The following DNAI3 variants were observed in gnomAD, a reference collection of about 807,000 sequenced individuals.
DNAI3 encodes dynein axonemal intermediate chain 3, also known as WD repeat domain 63.
Under a neutral mutation model 115.5 loss-of-function variants are expected in DNAI3, and 83 were observed. The ratio of observed to expected loss-of-function variants is 0.72; its 90% CI spans 0.60 to 0.86. DNAI3 has a LOEUF of 0.86. Among genes scored for constraint, DNAI3 ranks in the 40% least tolerant of loss-of-function variants. DNAI3 has a pLI of 0.00. For missense variants in DNAI3, 1,004 were observed against 1,075.8 expected, an observed-to-expected ratio of 0.93 and a Z score of 0.93; for synonymous variants, 320 against 347.0, an observed-to-expected ratio of 0.92 and a Z score of 0.86.
intron 3 of DNAI3, among the ~76,000 whole-genome samples, chr1:85,077,196 A>T (rs1337903696): frequency 6.6e-6 from 1 of 152,224 alleles, no homozygotes; most frequent in Admixed American, 6.5e-5. Flanking sequence ...ATGCAAAGAT[A>T]ATTCAGTGGA....
Position 85,094,536 on chromosome 1 carries a change from C to T in DNAI3, c.1154C>T (p.Ser385Phe), listed in dbSNP as rs931492833. 1 of 1,614,028 alleles carries T rather than the reference C, an allele frequency of 6.2e-7. No homozygotes were observed. The highest frequency in any genetic ancestry group is 8.5e-7 in the Non-Finnish European group (1 of 1,180,024). The change falls in exon 10 of 23, where the codon TCT becomes TTT. Residue 385 changes from serine (S) to phenylalanine (F), a missense_variant. Physicochemically the swap from Ser to Phe is radical, Grantham distance 155 (BLOSUM62 -2). Around this residue, in one of 3 missense-constraint regions of DNAI3, gnomAD observed 550 missense variants for 568.1 expected, o/e 0.97. Coordinates refer to ENST00000294664, the MANE Select transcript of DNAI3 (RefSeq NM_145172.5). ...TCACTGATTCTTTTCTGGAGCTTCT[C>T]TGATCCTATACATCCTCAGGTAATT... is the stretch of plus-strand genomic sequence containing the variant. ...QPSLILFWSFSDPIHPQLMLE... is the reference protein window; with the variant it reads ...QPSLILFWSFFDPIHPQLMLE...
rs574521428 is a variant in DNAI3, at chr1:85,102,836, T to C, written c.1480-1688T>C. On this transcript the variant is annotated intron_variant, in intron 13 of 22. Coordinates refer to ENST00000294664, the MANE Select transcript of DNAI3 (RefSeq NM_145172.5). ...GAAGAGAATATACGGGAGAATTATA[T>C]ATGATTCTAAAATATTCTGTTTTCC... 1.2e-4 allele frequency among the ~76,000 whole-genome samples: 19 copies of C among 152,350 alleles called. No homozygotes were observed. The East Asian group carries it at 3.7e-3, about 29-fold the overall frequency.
chr1:85,127,213 T>C (rs1292444849), intron 20 of DNAI3, among the ~76,000 whole-genome samples: 1 of 152,238 alleles, frequency 6.6e-6, no homozygotes, highest in Non-Finnish European at 1.5e-5. Context: ...CTTCATAAGA[T>C]AAAATGATTA....
intron 13 of DNAI3, among the ~76,000 whole-genome samples, chr1:85,100,615 A>T (rs545470573): frequency 6.6e-6 from 1 of 152,162 alleles, no homozygotes; most frequent in Non-Finnish European, 1.5e-5. Context: ...CAGCCATCCC[A>T]TTACTGGGTA....
chr1:85,097,238 C>T (rs934749243), intron 11 of DNAI3, among the ~76,000 whole-genome samples: 2 of 152,152 alleles, frequency 1.3e-5, no homozygotes, highest in Non-Finnish European at 2.9e-5. Flanking sequence ...TCCAAAGCAA[C>T]TGTCCCTACA....
chr1:85,078,244 C>A (rs1483358712), intron 3 of DNAI3, among the ~76,000 whole-genome samples: 1 of 152,186 alleles, frequency 6.6e-6, no homozygotes, highest in African/African-American at 2.4e-5. Context: ...AGAGGCTGAC[C>A]TTGGACATGT....
intron 13 of DNAI3, chr1:85,099,369 A>G: frequency 1.4e-6 from 1 of 717,892 alleles, no homozygotes; most frequent in Non-Finnish European, 1.7e-6. Flanking sequence ...GTGAACTCCC[A>G]TTCACAATTG....
intron 16 of DNAI3, among the ~76,000 whole-genome samples, chr1:85,111,643 C>T (rs1410850177): frequency 6.6e-6 from 1 of 152,090 alleles, no homozygotes; most frequent in Non-Finnish European, 1.5e-5. Context: ...AAAAAGGTAA[C>T]TTTATTAAAT....
chr1:85,106,071 C>T (rs1454231541), intron 14 of DNAI3, among the ~76,000 whole-genome samples: 3 of 151,946 alleles, frequency 2.0e-5, no homozygotes, highest in Non-Finnish European at 4.4e-5. Context: ...ACCCAGGAGG[C>T]GGAGGTTTCA....
chr1:85,090,457 T>C (rs752630249), intron 8 of DNAI3, among the ~76,000 whole-genome samples: 1 of 152,096 alleles, frequency 6.6e-6, no homozygotes, highest in Non-Finnish European at 1.5e-5. Flanking sequence ...GTGTGAGGAG[T>C]TGAGTGTGTG....
chr1:85,094,458 G>A lies in DNAI3; in HGVS notation c.1076G>A (p.Arg359Gln), dbSNP rs753211625. ...CTAATAGCTGTGTCGGTAGCCGTGC[G>A]ACTTTCTTTTGAAGACAGAGTTCAC... ...YGLIAVSVAVRLSFEDRVHFS... is the reference protein window; with the variant it reads ...YGLIAVSVAVQLSFEDRVHFS... The change falls in exon 10 of 23, where the codon CGA becomes CAA. Residue 359 changes from arginine (R) to glutamine (Q), a missense_variant. By Grantham distance (43) the Arg-to-Gln change is conservative. Coordinates refer to ENST00000294664, the MANE Select transcript of DNAI3 (RefSeq NM_145172.5). 2.5e-5 allele frequency: 41 copies of A among 1,613,998 alleles called. No homozygotes were observed. The highest frequency in any genetic ancestry group is 5.3e-5 in the African/African-American group (4 of 74,920).
Position 85,071,693 on chromosome 1 carries a change from G to A in DNAI3, c.-14-235G>A, listed in dbSNP as rs115489725. On this transcript the variant is annotated intron_variant, in intron 1 of 22. Transcript: ENST00000294664. ...AGACTTTGTTCTGGCAGGTCACCACGGTGCGCTTCAGCTAAATGGCTCCAC... is the reference window on the plus strand; with the variant it reads ...AGACTTTGTTCTGGCAGGTCACCACAGTGCGCTTCAGCTAAATGGCTCCAC... Among the ~76,000 whole-genome samples, 1,499 of 152,220 alleles carry A rather than the reference G, an allele frequency of 9.8e-3. 16 individuals are homozygous for A. The highest frequency in any genetic ancestry group is 0.014 in the Non-Finnish European group (981 of 68,004).
chr1:85,088,848 A>G (rs1368901168), intron 7 of DNAI3, among the ~76,000 whole-genome samples: 1 of 150,924 alleles, frequency 6.6e-6, no homozygotes, highest in Non-Finnish European at 1.5e-5. Context: ...TTTTTTTTTT[A>G]CTTAACCCTG....
At chr1:85,096,204 A>C (rs1423242250) in intron 11 of DNAI3, among the ~76,000 whole-genome samples, 184 bp downstream of exon 11, 1 of 152,182 alleles carries the variant, frequency 6.6e-6, no homozygotes, top group African/African-American at 2.4e-5. Flanking sequence ...TCAGCTCCTG[A>C]GGTGTTCACG....
At chr1:85,085,789 G>C in intron 6 of DNAI3, 42 bp from the exon 7 acceptor site, 1 of 1,587,962 alleles carries the variant, frequency 6.3e-7, no homozygotes, top group Non-Finnish European at 8.6e-7. Context: ...CTACACATCA[G>C]GGACTTCATT....
At chr1:85,080,372 T>C (rs1394556917) in intron 3 of DNAI3, among the ~76,000 whole-genome samples, 1 of 152,032 alleles carries the variant, frequency 6.6e-6, no homozygotes, top group African/African-American at 2.4e-5. Context: ...ATTGAGCAAA[T>C]CTGCATGCTG....
chr1:85,074,202 C>T (rs1474835774), intron 3 of DNAI3, among the ~76,000 whole-genome samples: 1 of 152,188 alleles, frequency 6.6e-6, no homozygotes, highest in Admixed American at 6.5e-5. Context: ...CCTCCGCACT[C>T]CTCACATCGG....
At chr1:85,093,900 G>A (rs942803921) in intron 9 of DNAI3, 3 of 600,224 alleles carry the variant, frequency 5.0e-6, no homozygotes, top group South Asian at 4.6e-5. Context: ...GAAGTGACTC[G>A]CCCAGGTCAC....
intron 2 of DNAI3, 114 bp downstream of exon 2, chr1:85,072,119 A>C: frequency 1.9e-6 from 2 of 1,025,696 alleles, no homozygotes; most frequent in South Asian, 1.6e-5. Flanking sequence ...CTGTGACATA[A>C]AGTCAAATGT....
Sources: allele counts gnomAD v4.1 joint callset (sites outside exome capture counted in the v4.1 genomes callset), GRCh38; gene constraint gnomAD v4.1.1; regional missense constraint gnomAD v4.1.1; transcripts MANE v1.5; gene names NCBI Gene and HGNC (gene_info 2026-07-23, HGNC 2026-07-21).